Variants in SMAP1 observed in about 807,000 individuals in gnomAD.
SMAP1 encodes the protein small ArfGAP 1.
Under a neutral mutation model 58.5 loss-of-function variants are expected in SMAP1, and 24 were observed. The observed-to-expected ratio is 0.41, with a 90% CI of 0.30 to 0.58. SMAP1 has a LOEUF of 0.58. SMAP1 is among the 20% of genes least tolerant of loss of function. SMAP1 has a pLI of 0.29. For synonymous variants in SMAP1, 216 were observed against 196.6 expected (o/e 1.10, Z -0.82); for missense variants, 563 against 566.3 (o/e 0.99, Z 0.06).
chr6:70,768,883 C>T (rs187839883), intron 3 of SMAP1, among the ~76,000 whole-genome samples: 3,562 of 151,984 alleles, frequency 0.023, 51 homozygotes, highest in Non-Finnish European at 0.037. Context: ...CTCTTGTGGG[C>T]ATTTAGTGCT....
intron 2 of SMAP1, among the ~76,000 whole-genome samples, chr6:70,748,740 G>A (rs1441211631): frequency 6.6e-6 from 1 of 151,932 alleles, no homozygotes; most frequent in Admixed American, 6.6e-5. Flanking sequence ...GAAAATATGT[G>A]GACATGGTAC....
chr6:70,857,458 G>A, intron 9 of SMAP1: 1 of 168,928 alleles, frequency 5.9e-6, no homozygotes, highest in Non-Finnish European at 1.3e-5. Flanking sequence ...ATTGTTTACA[G>A]AGTTTTAATC....
intron 2 of SMAP1, among the ~76,000 whole-genome samples, chr6:70,746,422 G>C (rs774319308): frequency 1.3e-5 from 2 of 152,208 alleles, no homozygotes; most frequent in Non-Finnish European, 2.9e-5. Flanking sequence ...TGCATCTGTT[G>C]AGATAATCAT....
intron 1 of SMAP1, among the ~76,000 whole-genome samples, chr6:70,719,457 T>C (rs1768418741): frequency 6.6e-6 from 1 of 152,218 alleles, no homozygotes; most frequent in Non-Finnish European, 1.5e-5. Context: ...CAGATTCAAA[T>C]GGTAACATTT....
At chr6:70,672,739 G>T (rs1581974234) in intron 1 of SMAP1, among the ~76,000 whole-genome samples, 1 of 152,108 alleles carries the variant, frequency 6.6e-6, no homozygotes, top group Non-Finnish European at 1.5e-5. Context: ...GTGAAAGGGA[G>T]TGCACCTGTG....
At chr6:70,726,494 G>C (rs1257180662) in intron 1 of SMAP1, among the ~76,000 whole-genome samples, 2 of 152,184 alleles carry the variant, frequency 1.3e-5, no homozygotes, top group Admixed American at 6.5e-5. Flanking sequence ...AGGCTTTATA[G>C]AATAAGTCTT....
At chr6:70,859,018 A>ACACTT (rs1444563631) in intron 10 of SMAP1, 1 of 201,022 alleles carries the variant, frequency 5.0e-6, no homozygotes, top group Non-Finnish European at 1.0e-5. Flanking sequence ...TCTTCCTTTT[A>ACACTT]CACTTCCCAT....
chr6:70,693,281 G>A (rs976658540), intron 1 of SMAP1, among the ~76,000 whole-genome samples: 3 of 142,574 alleles, frequency 2.1e-5, no homozygotes, highest in Admixed American at 1.4e-4. Flanking sequence ...TAGGATTTCT[G>A]TGAAGAATGT....
intron 4 of SMAP1, among the ~76,000 whole-genome samples, chr6:70,785,691 A>G (rs954312192): frequency 1.2e-3 from 190 of 152,342 alleles, no homozygotes; most frequent in Non-Finnish European, 2.1e-3. Flanking sequence ...CAAATAAACT[A>G]GAAAATCTAG....
chr6:70,835,299 T>A, intron 6 of SMAP1, among the ~76,000 whole-genome samples: 1 of 149,606 alleles, frequency 6.7e-6, no homozygotes, highest in Non-Finnish European at 1.5e-5. Flanking sequence ...AATAGTAGGC[T>A]AATTGGTTAA....
chr6:70,754,941 A>G (rs368225084), intron 2 of SMAP1, 39 bp from the exon 3 acceptor site: 35 of 1,322,640 alleles, frequency 2.6e-5, no homozygotes, highest in Non-Finnish European at 3.6e-5. Context: ...TCACTTTTTA[A>G]TGTTTATGTG....
At chr6:70,788,041 G>A (rs1424788091) in intron 4 of SMAP1, among the ~76,000 whole-genome samples, 1 of 151,990 alleles carries the variant, frequency 6.6e-6, no homozygotes, top group Admixed American at 6.6e-5. Flanking sequence ...CAAAGACTTG[G>A]AACCAACCCA....
intron 6 of SMAP1, among the ~76,000 whole-genome samples, chr6:70,798,997 G>A (rs1768730606): frequency 6.6e-6 from 1 of 152,044 alleles, no homozygotes; most frequent in South Asian, 2.1e-4. Flanking sequence ...AGAGAATGGT[G>A]TTTTTAGCTT....
At chr6:70,774,757 T>C (rs1430955877) in intron 4 of SMAP1, among the ~76,000 whole-genome samples, 1 of 151,926 alleles carries the variant, frequency 6.6e-6, no homozygotes, top group Non-Finnish European at 1.5e-5. Flanking sequence ...CGACTGGGCA[T>C]GGTGGCTTAT....
intron 6 of SMAP1, among the ~76,000 whole-genome samples, chr6:70,834,012 A>T (rs530159464): frequency 6.6e-5 from 10 of 152,372 alleles, no homozygotes; most frequent in African/African-American, 1.9e-4. Flanking sequence ...AGAAGCTTTT[A>T]GAACACAGAT....
rs1194306396 is a variant in SMAP1 at position 70,773,408 on chromosome 6, G to A, written c.397G>A (p.Ala133Thr). Residue 133 changes from alanine to threonine, a missense_variant, in exon 4 of 11, where the codon GCC (alanine) becomes ACC (threonine). By Grantham distance (58) the Ala-to-Thr change is moderately conservative. Transcript: ENST00000370455. ...YEKKKYYDKNAIAITNISSSD... is the reference protein window; with the variant it reads ...YEKKKYYDKNTIAITNISSSD... ...AAAGAAGAAATACTACGATAAAAAT[G>A]CCATAGCTATTACAAATGTAAGTAA... The A allele has an allele frequency of 6.4e-7, 1 of 1,561,306 alleles. No individual in the cohort carries two copies. The highest frequency in any genetic ancestry group is 8.8e-7 in the Non-Finnish European group (1 of 1,141,852).
chr6:70,855,141 A>G (rs561847081), intron 8 of SMAP1, among the ~76,000 whole-genome samples: 2 of 145,030 alleles, frequency 1.4e-5, no homozygotes, highest in Non-Finnish European at 3.1e-5. Context: ...ACAAGGGCTA[A>G]GTCCTGTTTT....
In SMAP1 at chr6:70,861,695, A is replaced by ACTT; in HGVS notation, c.*1362_*1364dup. Reference sequence around the variant, plus strand: ...TCAATTTTCACTGTGTCCAGGTGGTACTTTGGCTCGTTGGCTAGATTAACC... The same window carrying ACTT: ...TCAATTTTCACTGTGTCCAGGTGGTACTTCTTTGGCTCGTTGGCTAGATTAACC... On this transcript the variant is annotated 3_prime_UTR_variant, in exon 11 of 11. Coordinates refer to ENST00000370455, the MANE Select transcript of SMAP1 (RefSeq NM_001044305.3). 6 of 1,614,110 alleles carry ACTT rather than the reference A, an allele frequency of 3.7e-6. No homozygotes were observed. Among genetic ancestry groups the ACTT allele is most frequent in the Non-Finnish European group, 5.1e-6 (6 of 1,179,976 alleles).
At chr6:70,803,871 T>G (rs1768984536) in intron 6 of SMAP1, among the ~76,000 whole-genome samples, 1 of 152,238 alleles carries the variant, frequency 6.6e-6, no homozygotes, top group African/African-American at 2.4e-5. Context: ...TGTTGTGATT[T>G]CTGTTCTTTT....
Sources: allele counts gnomAD v4.1 joint callset (sites outside exome capture counted in the v4.1 genomes callset), GRCh38; gene constraint gnomAD v4.1.1; transcripts MANE v1.5; gene names NCBI Gene and HGNC (gene_info 2026-07-23, HGNC 2026-07-21).